The following PCDHGA5 variants were observed in gnomAD, a reference collection of about 807,000 sequenced individuals.
The protein encoded by PCDHGA5 is protocadherin gamma-A5.
Under a neutral mutation model 56.7 loss-of-function variants are expected in PCDHGA5, and 36 were observed. The ratio of observed to expected loss-of-function variants is 0.64; its 90% CI spans 0.49 to 0.84. The LOEUF (loss-of-function observed/expected upper bound fraction) is 0.84. Among genes scored for constraint, PCDHGA5 ranks in the 40% least tolerant of loss-of-function variants. The probability of loss-of-function intolerance (pLI) is 0.00; values close to 1 mark genes in which losing one functional copy is unlikely to be tolerated. For missense variants in PCDHGA5, 1,305 were observed against 1,201.5 expected, an observed-to-expected ratio of 1.09 and a Z score of -1.27; for synonymous variants, 563 against 520.2, an observed-to-expected ratio of 1.08 and a Z score of -1.12.
chr5:141,398,835 T>G (rs371527677), intron 1 of PCDHGA5: 60 of 1,613,796 alleles, frequency 3.7e-5, no homozygotes, highest in Non-Finnish European at 4.9e-5. Context: ...CCGACGCCAA[T>G]GATAATCCCC....
intron 1 of PCDHGA5, chr5:141,394,806 G>A: frequency 6.2e-7 from 1 of 1,613,852 alleles, no homozygotes; most frequent in Non-Finnish European, 8.5e-7. Flanking sequence ...CGTAGCCGTG[G>A]CTGACAGCAT....
chr5:141,430,521 A>G, intron 1 of PCDHGA5: 1 of 350,390 alleles, frequency 2.9e-6, no homozygotes, highest in Non-Finnish European at 5.1e-6. Context: ...TTGTGCAGTA[A>G]TTGGTTAGGA....
chr5:141,392,248 A>G (rs2092491180), intron 1 of PCDHGA5: 3 of 152,220 alleles, frequency 2.0e-5, no homozygotes, highest in Admixed American at 2.0e-4. Flanking sequence ...ATTTGTTAGT[A>G]TATATTGGAG....
rs201386958 is a variant in PCDHGA5 at position 141,413,172 on chromosome 5, T to G, written c.2421+46421T>G. 2.6e-4 allele frequency: 413 copies of G among 1,598,292 alleles called. 3 individuals carry two copies. In the East Asian group the frequency reaches 7.0e-3, roughly 27 times the overall value. ...ACTTTGCAGAATTCTGTAACCAGACTACAATGGCCGCTCAAAGGAATCGCT... is the reference window on the plus strand; with the variant it reads ...ACTTTGCAGAATTCTGTAACCAGACGACAATGGCCGCTCAAAGGAATCGCT... On this transcript the variant is annotated intron_variant, in intron 1 of 3. Coordinates refer to ENST00000518069, the MANE Select transcript of PCDHGA5 (RefSeq NM_018918.3).
At chr5:141,371,430 G>C in intron 1 of PCDHGA5, 1 of 1,613,962 alleles carries the variant, frequency 6.2e-7, no homozygotes, top group South Asian at 1.1e-5. Flanking sequence ...CAATGCCCCG[G>C]AGATAACCCT....
intron 1 of PCDHGA5, chr5:141,384,384 C>T (rs142665639): frequency 6.2e-7 from 1 of 1,613,816 alleles, no homozygotes; most frequent in Non-Finnish European, 8.5e-7. Flanking sequence ...CCGAAGACAC[C>T]ATCCAGGGGG....
At chr5:141,415,696 G>C (rs867312295) in intron 1 of PCDHGA5, 12 of 1,397,434 alleles carry the variant, frequency 8.6e-6, no homozygotes, top group Non-Finnish European at 1.1e-5. Flanking sequence ...GGTGGAAAGT[G>C]TAAATGCTAA....
chr5:141,487,803 A>G lies in PCDHGA5; in HGVS notation c.2422-7004A>G. On this transcript the variant is annotated intron_variant, in intron 1 of 3. Transcript: ENST00000518069. The surrounding 1 kb of genome is among the most constrained non-coding windows in gnomAD (Gnocchi z 5.0). ...TTCGTGAATTAACCAGAGTTGTCAC[A>G]GTTTAGCATTGGGGGCGGGTCATGC... 2.0e-6 allele frequency: 3 copies of G among 1,466,166 alleles called. No individual in the cohort carries two copies. The highest frequency in any genetic ancestry group is 2.8e-6 in the Non-Finnish European group (3 of 1,084,448). The allele number at this position is 1,466,166 out of a possible 1,614,324, so 90.8% of individuals were successfully genotyped here. A position where few individuals can be genotyped will look rare whatever the true frequency, so the allele number is the denominator to read the frequency against.
At chr5:141,409,192 G>A in intron 1 of PCDHGA5, 4 of 1,614,000 alleles carry the variant, frequency 2.5e-6, no homozygotes, top group Non-Finnish European at 3.4e-6. Context: ...TCTCTACCCA[G>A]TGTAAAGTAA....
chr5:141,370,964 G>A (rs372975056), intron 1 of PCDHGA5: 71 of 1,613,848 alleles, frequency 4.4e-5, no homozygotes, highest in Non-Finnish European at 5.6e-5. Flanking sequence ...ATGGCAGTAG[G>A]TACCCAGAGC....
chr5:141,411,001 C>G lies in PCDHGA5; in HGVS notation c.2421+44250C>G, dbSNP rs2095456042. 1.8e-5 allele frequency: 3 copies of G among 168,822 alleles called. No individual in the cohort carries two copies. The South Asian group carries it at 4.7e-4, about 26-fold the overall frequency. The allele number at this position is 168,822 out of a possible 1,614,324, so 10.5% of individuals were successfully genotyped here. ...CCCAAGTAGCTGGGATTACTGGTGC[C>G]CCTCACCACAGCTAAATTTTTTGTA... On this transcript the variant is annotated intron_variant, in intron 1 of 3. Coordinates refer to ENST00000518069, the MANE Select transcript of PCDHGA5 (RefSeq NM_018918.3).
At chr5:141,387,768 T>G (rs892776132) in intron 1 of PCDHGA5, 1 of 1,435,344 alleles carries the variant, frequency 7.0e-7, no homozygotes, top group African/African-American at 1.4e-5. Context: ...AGAAGAATTT[T>G]TTCTTGAACT....
intron 1 of PCDHGA5, chr5:141,382,742 A>G: frequency 1.7e-6 from 1 of 585,144 alleles, no homozygotes; most frequent in Non-Finnish European, 2.9e-6. Flanking sequence ...GAGAAACGAC[A>G]GATTGCGATA....
At chr5:141,506,188 C>T (rs925159785) in intron 3 of PCDHGA5, among the ~76,000 whole-genome samples, 2 of 152,058 alleles carry the variant, frequency 1.3e-5, no homozygotes, top group African/African-American at 4.8e-5. Flanking sequence ...TGGTGGCTCA[C>T]GCCTGTAATC....
At chr5:141,414,883 G>A (rs572616023) in intron 1 of PCDHGA5, 1 of 1,614,176 alleles carries the variant, frequency 6.2e-7, no homozygotes, top group South Asian at 1.1e-5. Context: ...CCTGTACCCC[G>A]CCCTCCCCAC....
intron 1 of PCDHGA5, chr5:141,375,260 G>A: frequency 6.2e-7 from 1 of 1,613,874 alleles, no homozygotes; most frequent in Non-Finnish European, 8.5e-7. Flanking sequence ...TCTCCCATTT[G>A]AATTGGAAAA....
chr5:141,477,042 G>A lies in PCDHGA5; in HGVS notation c.2422-17765G>A. ...ACCGGGATGCTGACAATCAAGGGTC[G>A]GCTGGACTTCGAGGACACCAAACTC... On this transcript the variant is annotated intron_variant, in intron 1 of 3. Transcript: ENST00000518069. This position sits in a 1 kb window ranked among gnomAD's most constrained non-coding sequence, Gnocchi z 4.9. 1 of 1,614,238 alleles carries A rather than the reference G, an allele frequency of 6.2e-7. No homozygotes were observed. Among genetic ancestry groups the A allele is most frequent in the Non-Finnish European group, 8.5e-7 (1 of 1,180,040 alleles).
At chr5:141,428,196 C>A in intron 1 of PCDHGA5, 2 of 1,383,704 alleles carry the variant, frequency 1.4e-6, no homozygotes, top group Non-Finnish European at 2.0e-6. Context: ...CCGCTCTCTG[C>A]GCCGCTACGC....
rs374995933 is a variant in PCDHGA5 at position 141,371,810 on chromosome 5, G to T, written c.2421+5059G>T. 1,100 of 1,613,756 alleles carry T rather than the reference G, an allele frequency of 6.8e-4. 2 individuals carry two copies. Among genetic ancestry groups the T allele is most frequent in the Non-Finnish European group, 9.0e-4 (1,060 of 1,179,898 alleles). On this transcript the variant is annotated intron_variant, in intron 1 of 3. Transcript: ENST00000518069. ...ACAATCCGCCTGGAGCCTCCATTGC[G>T]CATGTCAGAGCCTCGGATCCCGACT...
Sources: gnomAD v4.1 joint callset for allele counts (sites outside exome capture counted in the v4.1 genomes callset) on GRCh38, gnomAD v4.1.1 for gene constraint, Gnocchi (gnomAD v3.1) non-coding constraint, MANE v1.5 for transcripts, NCBI Gene and HGNC (gene_info 2026-07-23, HGNC 2026-07-21) for gene names.